TEAD1: variants seen among roughly 807,000 people sequenced by gnomAD.
The protein encoded by TEAD1 is TEA domain transcription factor 1.
A neutral mutation model predicts 54.9 loss-of-function variants in TEAD1; 9 were observed. The ratio of observed to expected loss-of-function variants is 0.16; its 90% confidence interval spans 0.10 to 0.29. The LOEUF (loss-of-function observed/expected upper bound fraction) is 0.29, where lower values mean the gene tolerates loss of function less well. TEAD1 is among the 10% of genes least tolerant of loss of function. TEAD1 has a pLI of 1.00. For synonymous variants in TEAD1, 200 were observed against 187.8 expected (o/e 1.07, Z -0.53); for missense variants, 387 against 535.9 (o/e 0.72, Z 2.74).
chr11:12,912,741 A>G (rs1256825489), intron 10 of TEAD1, among the ~76,000 whole-genome samples: 3 of 152,054 alleles, frequency 2.0e-5, no homozygotes, highest in South Asian at 2.1e-4. Flanking sequence ...CAAACCACAG[A>G]TACTTCTCTT....
At chr11:12,907,889 A>G (rs972082191) in intron 10 of TEAD1, among the ~76,000 whole-genome samples, 25 of 152,212 alleles carry the variant, frequency 1.6e-4, no homozygotes, top group African/African-American at 6.0e-4. Context: ...TTCTGTCACT[A>G]GAAACCATCC....
chr11:12,691,802 C>T (rs887439980), intron 2 of TEAD1, among the ~76,000 whole-genome samples: 7 of 152,098 alleles, frequency 4.6e-5, no homozygotes, highest in African/African-American at 1.4e-4. Flanking sequence ...TTATTACCAC[C>T]GTGAGCCATT....
intron 2 of TEAD1, among the ~76,000 whole-genome samples, chr11:12,732,358 G>A (rs1312558787): frequency 6.6e-6 from 1 of 152,154 alleles, no homozygotes; most frequent in Non-Finnish European, 1.5e-5. Flanking sequence ...TTAAAAACTA[G>A]TTCCTACTTC....
intron 2 of TEAD1, among the ~76,000 whole-genome samples, chr11:12,749,932 G>T (rs1207617857): frequency 6.6e-6 from 1 of 152,146 alleles, no homozygotes; most frequent in Non-Finnish European, 1.5e-5. Flanking sequence ...GATGGGGTGC[G>T]GGTGGGGCTT....
intron 3 of TEAD1, among the ~76,000 whole-genome samples, chr11:12,847,604 A>G (rs1458321139): frequency 1.3e-5 from 2 of 152,220 alleles, no homozygotes; most frequent in Non-Finnish European, 2.9e-5. Context: ...GAGAAAAGAC[A>G]AAAACTGATT....
Position 12,817,954 on chromosome 11 carries a change from AG to A in TEAD1, c.203-44295del, listed in dbSNP as rs1178438636. 3.9e-5 allele frequency among the ~76,000 whole-genome samples: 6 copies of A among 152,364 alleles called. No homozygotes were observed. In the East Asian group the frequency reaches 9.6e-4, roughly 25 times the overall value. On this transcript the variant is annotated intron_variant, in intron 3 of 12. Transcript: ENST00000527636. Reference sequence around the variant, plus strand: ...CACACATTGTGGTTATTAGCTGCAAAGAAAGCGGCGTTTGTTTATAATGACA... The same window carrying A: ...CACACATTGTGGTTATTAGCTGCAAAAAAGCGGCGTTTGTTTATAATGACA...
chr11:12,923,085 A>G (rs1948841543), intron 10 of TEAD1, among the ~76,000 whole-genome samples: 1 of 151,980 alleles, frequency 6.6e-6, no homozygotes, highest in Admixed American at 6.6e-5. Context: ...ATATATATAT[A>G]TACATACTTT....
rs145755686 is a variant in TEAD1 at position 12,870,384 on chromosome 11, A to G, written c.330+5484A>G. Among the ~76,000 whole-genome samples the G allele has an allele frequency of 1.7e-3, 261 of 152,222 alleles. 1 individual carries two copies. The highest frequency in any genetic ancestry group is 6.1e-3 in the African/African-American group (253 of 41,550). Reference sequence around the variant, plus strand: ...ACTAGAAAGGGAATAATGCGAGGAGACAGTGAACCAGGAGCAGAGAAGCTG... The same window carrying G: ...ACTAGAAAGGGAATAATGCGAGGAGGCAGTGAACCAGGAGCAGAGAAGCTG... On this transcript the variant is annotated intron_variant, in intron 5 of 12. Coordinates refer to ENST00000527636, the MANE Select transcript of TEAD1 (RefSeq NM_021961.6).
At chr11:12,837,558 C>T (rs1386227316) in intron 3 of TEAD1, among the ~76,000 whole-genome samples, 1 of 152,088 alleles carries the variant, frequency 6.6e-6, no homozygotes, top group African/African-American at 2.4e-5. Context: ...GGTTTAGTTA[C>T]TCCTGGTACC....
At chr11:12,759,883 C>T (rs1173141470) in intron 2 of TEAD1, among the ~76,000 whole-genome samples, 1 of 152,138 alleles carries the variant, frequency 6.6e-6, no homozygotes, top group African/African-American at 2.4e-5. Flanking sequence ...AAATTATCTC[C>T]AACAAAGAAG....
intron 2 of TEAD1, among the ~76,000 whole-genome samples, chr11:12,738,594 C>T (rs1195737708): frequency 6.6e-6 from 1 of 151,318 alleles, no homozygotes; most frequent in African/African-American, 2.4e-5. Context: ...ACCTTGTCCA[C>T]ATATAGGATC....
At chr11:12,789,085 C>A (rs1030370921) in intron 3 of TEAD1, among the ~76,000 whole-genome samples, 2 of 152,218 alleles carry the variant, frequency 1.3e-5, no homozygotes, top group African/African-American at 4.8e-5. Flanking sequence ...CTCTTACACA[C>A]ATAATAAATT....
At chr11:12,870,911 C>A (rs1490993262) in intron 5 of TEAD1, among the ~76,000 whole-genome samples, 6 of 152,186 alleles carry the variant, frequency 3.9e-5, no homozygotes, top group African/African-American at 1.4e-4. Flanking sequence ...GAAAAAATGT[C>A]TAGGACAGAA....
chr11:12,893,322 T>C (rs1176799626), intron 9 of TEAD1, among the ~76,000 whole-genome samples: 2 of 152,142 alleles, frequency 1.3e-5, no homozygotes, highest in Non-Finnish European at 2.9e-5. Context: ...TGGCTCAGTG[T>C]GGAGCACCCC....
intron 2 of TEAD1, among the ~76,000 whole-genome samples, chr11:12,717,382 A>C (rs928491263): frequency 6.6e-5 from 10 of 152,160 alleles, no homozygotes; most frequent in Admixed American, 6.5e-4. Context: ...GTCTTGACTG[A>C]TGGAAGCTTT....
intron 2 of TEAD1, among the ~76,000 whole-genome samples, chr11:12,733,231 C>T (rs113068436): frequency 2.0e-5 from 3 of 152,186 alleles, no homozygotes; most frequent in East Asian, 1.9e-4. Context: ...TTGGACCCAG[C>T]GGCCCCTAGG....
chr11:12,840,115 C>T (rs988420528), intron 3 of TEAD1, among the ~76,000 whole-genome samples: 5 of 151,492 alleles, frequency 3.3e-5, no homozygotes, highest in Admixed American at 6.6e-5. Flanking sequence ...GGTGTGGTGG[C>T]GGGCGCCTGT....
In TEAD1 at chr11:12,719,967, TTTTTTTTTTTTTTTTTTTTTTTTTTTTG is replaced by T. The variant is rs1463685702; in HGVS notation, c.-54-44211_-54-44184del. On this transcript the variant is annotated intron_variant, in intron 2 of 12. Transcript: ENST00000527636. ...ATCTAATGTTTTTTTTTTTTTTTTTTTTTTTTTTTTTTTTTTTTTTTTTTTTTGGGGGGGGACCCAGCCATGCTGTGTC... is the reference window on the plus strand; with the variant it reads ...ATCTAATGTTTTTTTTTTTTTTTTTTGGGGGGGACCCAGCCATGCTGTGTC... Among the ~76,000 whole-genome samples, 390 of 51,420 alleles carry T rather than the reference TTTTTTTTTTTTTTTTTTTTTTTTTTTTG, an allele frequency of 7.6e-3. 21 individuals carry two copies. The highest frequency in any genetic ancestry group is 0.045 in the South Asian group (70 of 1,548). 33.7% of individuals were successfully genotyped at this position (51,420 alleles called of 152,430 possible). A position where few individuals can be genotyped will look rare whatever the true frequency, so the allele number is the denominator to read the frequency against.
Position 12,879,768 on chromosome 11 carries a change from G to A in TEAD1, c.391G>A (p.Val131Ile), listed in dbSNP as rs780992270. Residue 131 changes from valine (V) to isoleucine (I), a missense_variant, in exon 6 of 13, where the codon GTC becomes ATC. Coordinates refer to ENST00000527636, the MANE Select transcript of TEAD1 (RefSeq NM_021961.6). ...GGCGGCCATGTCCTCAGCCCAGATC[G>A]TCTCGGCCACTGCCATTCATAACAA... The A allele has an allele frequency of 1.9e-6, 3 of 1,614,176 alleles. No individual in the cohort carries two copies. The highest frequency in any genetic ancestry group is 1.1e-5 in the South Asian group (1 of 91,086).
Sources: allele counts gnomAD v4.1 joint callset (sites outside exome capture counted in the v4.1 genomes callset), GRCh38; gene constraint gnomAD v4.1.1; transcripts MANE v1.5; gene names NCBI Gene and HGNC (gene_info 2026-07-23, HGNC 2026-07-21).